The following LRRC37B variants were observed in gnomAD, a reference collection of about 807,000 sequenced individuals.
LRRC37B encodes the protein leucine-rich repeat-containing protein 37B.
In LRRC37B, 28 loss-of-function variants were observed where a neutral mutation model predicts 98.3. The observed-to-expected ratio is 0.28, with a 90% CI of 0.21 to 0.39. The LOEUF is 0.39. Ranked by LOEUF, LRRC37B falls within the 10% of genes least tolerant of loss-of-function variation. LRRC37B has a pLI of 1.00. For missense variants in LRRC37B, 938 were observed against 1,182.7 expected (o/e 0.79, Z 3.03); for synonymous variants, 364 against 442.7 (o/e 0.82, Z 2.23).
chr17:32,031,681 G>C (rs1047636333), intron 5 of LRRC37B, among the ~76,000 whole-genome samples: 5 of 151,622 alleles, frequency 3.3e-5, no homozygotes, highest in Non-Finnish European at 7.4e-5. Context: ...TATGGCATGG[G>C]CAAGAAAAGG....
In LRRC37B at chr17:32,035,703, T is replaced by C. The variant is rs370937405; in HGVS notation, c.2204+64T>C. ...GTTTTTTAGGTTTGTTTTATTATTTTCTTAAGTCAGGTTTATTGAGATTTA... is the reference window on the plus strand; with the variant it reads ...GTTTTTTAGGTTTGTTTTATTATTTCCTTAAGTCAGGTTTATTGAGATTTA... On this transcript the variant is annotated intron_variant, in intron 7 of 11. Transcript: ENST00000327564. 1.6e-5 allele frequency: 23 copies of C among 1,467,988 alleles called. No individual in the cohort carries two copies. The African/African-American group carries it at 3.3e-4, about 21-fold the overall frequency. 90.9% of individuals were successfully genotyped at this position (1,467,988 alleles called of 1,614,324 possible).
chr17:32,050,515 G>T (rs187717927), intron 11 of LRRC37B: 260 of 204,852 alleles, frequency 1.3e-3, no homozygotes, highest in African/African-American at 5.5e-3. Context: ...TGGAGAGGAA[G>T]AAGACAGCCA....
chr17:32,040,331 A>C (rs2142256186), intron 7 of LRRC37B: 1 of 369,776 alleles, frequency 2.7e-6, no homozygotes, highest in East Asian at 6.4e-5. Context: ...GCAGGCGCAG[A>C]GCTGGCAAGC....
intron 2 of LRRC37B, among the ~76,000 whole-genome samples, chr17:32,026,999 G>T (rs543817005): frequency 6.6e-6 from 1 of 152,174 alleles, no homozygotes; most frequent in East Asian, 1.9e-4. Flanking sequence ...AGACCAGTGT[G>T]GGTAACAGAA....
At chr17:32,025,824 A>C (rs1365457688) in intron 2 of LRRC37B, among the ~76,000 whole-genome samples, 4 of 152,226 alleles carry the variant, frequency 2.6e-5, no homozygotes, top group Non-Finnish European at 5.9e-5. Flanking sequence ...GTCCTCAAAA[A>C]TGTTGTGCCA....
chr17:32,030,012 A>G (rs1238705851), intron 3 of LRRC37B, among the ~76,000 whole-genome samples: 2 of 151,960 alleles, frequency 1.3e-5, no homozygotes, highest in African/African-American at 2.4e-5. Context: ...AGAGATGGAG[A>G]CATCAGCCAG....
At chr17:32,007,913 G>GC, upstream of LRRC37B, 1 of 695,084 alleles carries the variant, frequency 1.4e-6, no homozygotes, top group Non-Finnish European at 1.9e-6. This position sits in a 1 kb window ranked among gnomAD's most constrained non-coding sequence, Gnocchi z 4.1. Flanking sequence ...GACCACCGCA[G>GC]CCCGGAGGGC....
intron 7 of LRRC37B, chr17:32,041,055 G>A (rs2627084): frequency 2.5e-5 from 19 of 769,172 alleles, no homozygotes; most frequent in Non-Finnish European, 3.6e-5. Flanking sequence ...CATTGAGCAG[G>A]TGAGTCAACT....
At chr17:32,020,912 C>A, upstream of LRRC37B, 1 of 1,415,408 alleles carries the variant, frequency 7.1e-7, no homozygotes, top group Middle Eastern at 2.6e-4. Flanking sequence ...CAAATCCTTC[C>A]TCACTAAGGG....
chr17:32,019,222 T>G (rs1350324302), upstream of LRRC37B, among the ~76,000 whole-genome samples: 1 of 152,208 alleles, frequency 6.6e-6, no homozygotes, highest in Non-Finnish European at 1.5e-5. Context: ...CCGCTGCGCC[T>G]GGGCCCCATT....
intron 7 of LRRC37B, chr17:32,042,918 G>A (rs1401412592): frequency 3.3e-5 from 5 of 152,022 alleles, no homozygotes; most frequent in African/African-American, 4.8e-5. Context: ...GTTATGATTG[G>A]GACAATTGTG....
At chr17:32,046,295 A>G (rs769917580) in intron 8 of LRRC37B, among the ~76,000 whole-genome samples, 1 of 152,202 alleles carries the variant, frequency 6.6e-6, no homozygotes, top group Admixed American at 6.6e-5. Context: ...GAAGCCTGAG[A>G]GCTTCTGGTT....
rs1403024437 is a variant in LRRC37B at position 32,040,711 on chromosome 17, G to A, written c.2205-4989G>A. The A allele has an allele frequency of 3.8e-6, 3 of 784,020 alleles. No individual in the cohort carries two copies. The African/African-American group carries it at 5.1e-5, about 13-fold the overall frequency. The allele number at this position is 784,020 out of a possible 1,614,324, so 48.6% of individuals were successfully genotyped here. ...CAGTTGGAGGGGCTCCTGAGCGAGT[G>A]CCTGATCCGCCACCAGAAGGAGCTG... is the stretch of plus-strand genomic sequence containing the variant. On this transcript the variant is annotated intron_variant, in intron 7 of 11. Transcript: ENST00000327564.
At chr17:32,040,784 C>T (rs1312383112) in intron 7 of LRRC37B, 4 of 833,712 alleles carry the variant, frequency 4.8e-6, no homozygotes, top group Middle Eastern at 2.9e-4. Flanking sequence ...CCGGCGAGTC[C>T]ATGAAGCACC....
upstream of LRRC37B, chr17:32,007,965 A>C: frequency 2.0e-6 from 1 of 504,974 alleles, no homozygotes; most frequent in Non-Finnish European, 3.3e-6. The surrounding 1 kb of genome is among the most constrained non-coding windows in gnomAD (Gnocchi z 4.1). Context: ...AGCGAGGAGG[A>C]GGAGTAAGAG....
intron 1 of LRRC37B, among the ~76,000 whole-genome samples, chr17:32,010,450 A>G (rs1421139120): frequency 6.6e-6 from 1 of 152,190 alleles, no homozygotes; most frequent in East Asian, 1.9e-4. Context: ...CCAAGTTCAC[A>G]AAGATTTTCC....
intron 8 of LRRC37B, among the ~76,000 whole-genome samples, 187 bp downstream of exon 11, chr17:32,046,005 A>C (rs891611294): frequency 2.6e-5 from 4 of 152,232 alleles, no homozygotes; most frequent in Non-Finnish European, 5.9e-5. Flanking sequence ...ATTATTACAA[A>C]ATTTAATAAT....
At chr17:32,031,206 A>G (rs1911097612) in intron 4 of LRRC37B, among the ~76,000 whole-genome samples, 172 bp from the exon 8 acceptor site, 2 of 152,266 alleles carry the variant, frequency 1.3e-5, no homozygotes, top group East Asian at 3.8e-4. Flanking sequence ...AATGCACCAC[A>G]TGTGCAATGT....
intron 3 of LRRC37B, among the ~76,000 whole-genome samples, chr17:32,028,099 C>G (rs1020360378): frequency 1.1e-5 from 1 of 91,018 alleles, no homozygotes; most frequent in African/African-American, 4.1e-5. Context: ...CCATATGAAC[C>G]TTGTTTTATA....
Sources: allele counts gnomAD v4.1 joint callset (sites outside exome capture counted in the v4.1 genomes callset), GRCh38; gene constraint gnomAD v4.1.1; non-coding constraint Gnocchi (gnomAD v3.1); transcripts MANE v1.5; gene names NCBI Gene and HGNC (gene_info 2026-07-23, HGNC 2026-07-21).